CNKSR2: variants seen among roughly 807,000 people sequenced by gnomAD.
CNKSR2 encodes CNK homolog protein 2.
In CNKSR2, 14 loss-of-function variants were observed where a neutral mutation model predicts 84.4. That is an observed-to-expected ratio of 0.17 (90% CI 0.11 to 0.26). The LOEUF is 0.26. Ranked by LOEUF, CNKSR2 falls within the 10% of genes least tolerant of loss-of-function variation. The pLI is 1.00. For missense variants in CNKSR2, 485 were observed against 771.2 expected (o/e 0.63, Z 4.40); for synonymous variants, 275 against 277.9 (o/e 0.99, Z 0.10).
rs764967767 is a variant in CNKSR2 at position 21,515,549 on chromosome X, A to AT, written c.811-928dup. Among the ~76,000 whole-genome samples the AT allele has an allele frequency of 7.8e-4, 86 of 110,946 alleles. 1 individual carries two copies. The highest frequency in any genetic ancestry group is 2.4e-3 in the African/African-American group (73 of 30,599). ...AGGTTCTTCTCTCTTCTAAATGTGA[A>AT]TTTTTTTTAAAAAAAACTTGGAATA... On this transcript the variant is annotated intron_variant, in intron 8 of 21. Transcript: ENST00000379510.
intron 4 of CNKSR2, among the ~76,000 whole-genome samples, chrX:21,445,060 T>G (rs1381093518): frequency 9.0e-6 from 1 of 111,263 alleles, no homozygotes; most frequent in Non-Finnish European, 1.9e-5. Flanking sequence ...TCCAGAATGG[T>G]CTCACAGACA....
At chrX:21,587,450 G>A (rs893261258) in intron 13 of CNKSR2, among the ~76,000 whole-genome samples, 17 of 111,871 alleles carry the variant, frequency 1.5e-4, no homozygotes, top group Non-Finnish European at 2.8e-4. Flanking sequence ...CACTTACCAC[G>A]AATGCAAAGA....
intron 21 of CNKSR2, among the ~76,000 whole-genome samples, chrX:21,650,059 G>C (rs2092716863): frequency 9.0e-6 from 1 of 111,159 alleles, no homozygotes; most frequent in Admixed American, 9.5e-5. Context: ...ATTTGACCCA[G>C]CCATCCCATT....
In CNKSR2 at chrX:21,484,264, C is replaced by T. The variant is rs2091355830; in HGVS notation, c.562-6195C>T. ...TGAGATTGCATCATTGCCCTCCAGC[C>T]CTGGCGACAGAGTGAGACTTCGTTT... On this transcript the variant is annotated intron_variant, in intron 5 of 21. Coordinates refer to ENST00000379510, the MANE Select transcript of CNKSR2 (RefSeq NM_014927.5). 5.4e-5 allele frequency among the ~76,000 whole-genome samples: 6 copies of T among 111,458 alleles called. No individual in the cohort carries two copies. In the Admixed American group the frequency reaches 5.7e-4, roughly 11 times the overall value.
chrX:21,432,113 TCTGATTTATTTAC>T (rs1362483702), intron 2 of CNKSR2, among the ~76,000 whole-genome samples: 55 of 111,832 alleles, frequency 4.9e-4, no homozygotes, highest in African/African-American at 1.6e-3. Flanking sequence ...TATTTTTTTA[TCTGATTTATTTAC>T]CTGATTTATT....
intron 2 of CNKSR2, among the ~76,000 whole-genome samples, chrX:21,429,981 A>G (rs896112964): frequency 8.9e-6 from 1 of 112,351 alleles, no homozygotes; most frequent in East Asian, 2.8e-4. Context: ...ATAGTAGCAC[A>G]TAAATCTGGT....
At chrX:21,388,618 A>G (rs746746255) in intron 1 of CNKSR2, among the ~76,000 whole-genome samples, 3 of 112,533 alleles carry the variant, frequency 2.7e-5, no homozygotes, top group African/African-American at 9.7e-5. Context: ...ACAGTATTGG[A>G]TTATAACCCA....
chrX:21,631,385 T>G (rs2092647389), intron 20 of CNKSR2, among the ~76,000 whole-genome samples: 1 of 112,536 alleles, frequency 8.9e-6, no homozygotes, highest in South Asian at 3.6e-4. Context: ...TTGAAAATTA[T>G]TTCATATGGT....
intron 20 of CNKSR2, among the ~76,000 whole-genome samples, chrX:21,614,813 A>T (rs1296506593): frequency 9.0e-6 from 1 of 111,230 alleles, no homozygotes; most frequent in Non-Finnish European, 1.9e-5. Context: ...GGTGAATTTC[A>T]TGGCTTACCA....
intron 8 of CNKSR2, among the ~76,000 whole-genome samples, chrX:21,507,362 A>G (rs759127930): frequency 9.1e-4 from 101 of 111,058 alleles, no homozygotes; most frequent in African/African-American, 3.3e-3. Context: ...AGGATTTTTA[A>G]AAGTTGGAAA....
chrX:21,502,610 C>A (rs2091570608), intron 8 of CNKSR2, among the ~76,000 whole-genome samples: 1 of 110,835 alleles, frequency 9.0e-6, no homozygotes, highest in African/African-American at 3.3e-5. Flanking sequence ...AGGCAAATGA[C>A]ATTTCAATTT....
intron 20 of CNKSR2, among the ~76,000 whole-genome samples, chrX:21,626,385 C>T (rs756034129): frequency 9.0e-6 from 1 of 110,837 alleles, no homozygotes; most frequent in African/African-American, 3.3e-5. Flanking sequence ...TTAAAAAGGT[C>T]CTAACATACC....
chrX:21,528,135 T>C (rs1035745892), intron 10 of CNKSR2, among the ~76,000 whole-genome samples: 8 of 111,116 alleles, frequency 7.2e-5, no homozygotes, highest in African/African-American at 1.3e-4. Context: ...ATAAATCTAA[T>C]ATATAATTTA....
intron 11 of CNKSR2, among the ~76,000 whole-genome samples, chrX:21,541,070 C>G (rs1437012938): frequency 9.1e-6 from 1 of 109,822 alleles, no homozygotes; most frequent in Non-Finnish European, 1.9e-5. Context: ...GCAACCTCCA[C>G]TTCCCGGGTT....
At chrX:21,541,679 C>T (rs2091978423) in intron 11 of CNKSR2, among the ~76,000 whole-genome samples, 2 of 111,760 alleles carry the variant, frequency 1.8e-5, no homozygotes, top group South Asian at 7.5e-4. Flanking sequence ...GTTGAGCGTT[C>T]AGGTATGCCA....
At chrX:21,445,056 A>G (rs1303145419) in intron 4 of CNKSR2, among the ~76,000 whole-genome samples, 1 of 111,242 alleles carries the variant, frequency 9.0e-6, no homozygotes, top group Non-Finnish European at 1.9e-5. Flanking sequence ...CCTGTCCAGA[A>G]TGGTCTCACA....
intron 1 of CNKSR2, among the ~76,000 whole-genome samples, chrX:21,394,214 G>C (rs1189449080): frequency 8.9e-6 from 1 of 112,027 alleles, no homozygotes; most frequent in Non-Finnish European, 1.9e-5. Flanking sequence ...ATTTATTACT[G>C]TACAGGATTT....
In CNKSR2 at chrX:21,651,636, C is replaced by A. The variant is rs182003525; in HGVS notation, c.2890-670C>A. 2.7e-5 allele frequency among the ~76,000 whole-genome samples: 3 copies of A among 111,749 alleles called. No homozygotes were observed. In the Admixed American group the frequency reaches 2.9e-4, roughly 11 times the overall value. ...ACTTTCTTAACCCCTACTTCTCCAT[C>A]CCACCTTCCACCTGGGAAATTCTCA... On this transcript the variant is annotated intron_variant, in intron 21 of 21. Transcript: ENST00000379510.
chrX:21,380,443 C>CTT lies in CNKSR2; in HGVS notation c.64+5502_64+5503dup, dbSNP rs1213793885. Among the ~76,000 whole-genome samples, 61 of 70,285 alleles carry CTT rather than the reference C, an allele frequency of 8.7e-4. 1 individual carries two copies. Among genetic ancestry groups the CTT allele is most frequent in the South Asian group, 1.3e-3 (2 of 1,516 alleles). The allele number at this position is 70,285 out of a possible 115,157, so 61.0% of individuals were successfully genotyped here. ...ACCCTAGATTAGGGCTCAATTTGTT[C>CTT]TTTTTTTTTTTTTTTTTTTTTGAGA... On this transcript the variant is annotated intron_variant, in intron 1 of 21. Transcript: ENST00000379510.
Sources: gnomAD v4.1 joint callset for allele counts (sites outside exome capture counted in the v4.1 genomes callset) on GRCh38, gnomAD v4.1.1 for gene constraint, MANE v1.5 for transcripts, NCBI Gene and HGNC (gene_info 2026-07-23, HGNC 2026-07-21) for gene names.